The following TRIM10 variants were observed in gnomAD, a reference collection of about 807,000 sequenced individuals.
The protein encoded by TRIM10 is tripartite motif-containing protein 10.
TRIM10 carries 42 observed loss-of-function variants against 40.0 expected under a neutral mutation model. The ratio of observed to expected loss-of-function variants is 1.05; its 90% CI spans 0.82 to 1.36. TRIM10 has a LOEUF of 1.36. TRIM10 is among the 40% of genes most tolerant of loss of function. The pLI, the probability that TRIM10 is intolerant of heterozygous loss-of-function variation, is 0.00. For missense variants in TRIM10, 601 were observed against 608.3 expected (o/e 0.99, Z 0.13); for synonymous variants, 260 against 239.5 (o/e 1.09, Z -0.79).
chr6:30,153,358 C>G lies in TRIM10; in HGVS notation c.*611G>C, dbSNP rs1772190621. ...GCTGGGCTATGCCCCTTCCCCTGAA[C>G]TCCCATAATGCTGGGGTTGGACTTC... On this transcript the variant is annotated 3_prime_UTR_variant, in exon 7 of 7. Transcript: ENST00000449742. The G allele has an allele frequency of 3.6e-6, 1 of 280,660 alleles. No individual in the cohort carries two copies. Among genetic ancestry groups the G allele is most frequent in the Admixed American group, 4.7e-5 (1 of 21,298 alleles). 17.4% of individuals were successfully genotyped at this position (280,660 alleles called of 1,614,324 possible).
In TRIM10 at chr6:30,157,028, G is replaced by C. The variant is rs769652290; in HGVS notation, c.806C>G (p.Pro269Arg). The part of the protein sequence containing the change: ...IRCETRKCRK[P>R]VAVSPELGQR... The stretch of plus-strand genomic sequence containing the variant: ...GCCCAGCTCTGGCGACACAGCCACC[G>C]GTTTCCGGCACTTTCTGGTTTCACA... The change falls in exon 5 of 7, where the codon CCG (proline) becomes CGG (arginine). Residue 269 changes from proline (P) to arginine (R), a missense_variant. Transcript: ENST00000449742. 1.9e-6 allele frequency: 3 copies of C among 1,612,940 alleles called. No individual in the cohort carries two copies. The highest frequency in any genetic ancestry group is 1.7e-6 in the Non-Finnish European group (2 of 1,180,032).
chr6:30,157,414 A>G (rs887102367), intron 3 of TRIM10, 23 bp from the exon 4 acceptor site: 7 of 1,589,746 alleles, frequency 4.4e-6, no homozygotes, highest in Non-Finnish European at 6.0e-6. Flanking sequence ...GATACCAGAA[A>G]TTCAGTTTCC....
In TRIM10 at chr6:30,157,351, AG is replaced by A. The variant is rs749798948; in HGVS notation, c.779+17del. 42 of 1,589,828 alleles carry A rather than the reference AG, an allele frequency of 2.6e-5. No homozygotes were observed. The South Asian group carries it at 4.4e-4, about 17-fold the overall frequency. The stretch of plus-strand genomic sequence containing the variant: ...ATATTTATATGGAAAAAGAAAAGAG[AG>A]AAACTATATTGCTTACCTTATTAGA... On this transcript the variant is annotated intron_variant, in intron 4 of 6. Transcript: ENST00000449742.
At chr6:30,156,911 G>A (rs752213367) in intron 5 of TRIM10, 28 bp downstream of exon 5, 13 of 1,603,608 alleles carry the variant, frequency 8.1e-6, no homozygotes, top group East Asian at 2.2e-5. Flanking sequence ...GGCCACCTGC[G>A]CTCTGTGGAG....
At chr6:30,159,052 T>A in intron 2 of TRIM10, 98 bp downstream of exon 2, 1 of 783,254 alleles carries the variant, frequency 1.3e-6, no homozygotes, top group Non-Finnish European at 2.2e-6. Flanking sequence ...TTTAAACTCA[T>A]AATAACTTCA....
chr6:30,163,540 GCC>G, upstream of TRIM10: 1 of 879,950 alleles, frequency 1.1e-6, no homozygotes, highest in Non-Finnish European at 1.5e-6. Context: ...TGGCATTCTT[GCC>G]TCTCTCTCTC....
chr6:30,154,521 G>A (rs1443257492), intron 6 of TRIM10, 35 bp from the exon 7 acceptor site: 1 of 1,599,764 alleles, frequency 6.3e-7, no homozygotes, highest in Middle Eastern at 1.7e-4. Flanking sequence ...GATGTCAGCA[G>A]ACATGCTATT....
rs1341129269 is a variant in TRIM10, at chr6:30,152,212, G to A, written c.*1757C>T. The A allele has an allele frequency of 6.6e-6, 1 of 152,116 alleles. No homozygotes were observed. 9.4% of individuals were successfully genotyped at this position (152,116 alleles called of 1,614,324 possible). ...TGGATGAACTGGTTGCATGATCTTG[G>A]CTCGTTACCAAGATAAAGTGACACA... is the stretch of plus-strand genomic sequence containing the variant. On this transcript the variant is annotated 3_prime_UTR_variant, in exon 7 of 7. Transcript: ENST00000449742.
chr6:30,160,639 G>A lies in TRIM10; in HGVS notation c.220C>T (p.Gln74Ter), dbSNP rs1436063015. 1 of 1,614,126 alleles carries A rather than the reference G, an allele frequency of 6.2e-7. No homozygotes were observed. The highest frequency in any genetic ancestry group is 2.2e-5 in the East Asian group (1 of 44,900). Reference sequence around the variant, plus strand: ...ATGTTCTCCACCACGTTAGCCAGCTGCCAGTTGGGCCGGAAGCTCCCAGGA... The same window carrying A: ...ATGTTCTCCACCACGTTAGCCAGCTACCAGTTGGGCCGGAAGCTCCCAGGA... ...FRPGSFRPNW[Q>*]LANVVENIER... The change falls in exon 1 of 7, where the codon CAG becomes TAG. Residue 74 changes from glutamine to a stop codon, truncating the protein, a stop_gained. Transcript: ENST00000449742. LOFTEE classifies it high-confidence loss of function.
rs891593210 is a variant in TRIM10, at chr6:30,161,028, G to A, written c.-170C>T. The A allele has an allele frequency of 5.9e-5, 40 of 677,856 alleles. No individual in the cohort carries two copies. Among genetic ancestry groups the A allele is most frequent in the Non-Finnish European group, 8.3e-5 (34 of 409,756 alleles). 42.0% of individuals were successfully genotyped at this position (677,856 alleles called of 1,614,324 possible). A position where few individuals can be genotyped will look rare whatever the true frequency, so the allele number is the denominator to read the frequency against. Reference sequence around the variant, plus strand: ...CACACTTGCATCTCTGGCAGCCAGGGTTCTATTCTCCTGCCAACAGCAGAG... The same window carrying A: ...CACACTTGCATCTCTGGCAGCCAGGATTCTATTCTCCTGCCAACAGCAGAG... On this transcript the variant is annotated 5_prime_UTR_variant, in exon 1 of 7. Transcript: ENST00000449742.
At chr6:30,156,904 C>A (rs1228750858) in intron 5 of TRIM10, 35 bp downstream of exon 5, 32 of 1,595,494 alleles carry the variant, frequency 2.0e-5, no homozygotes, top group Non-Finnish European at 2.7e-5. Flanking sequence ...GCTTCATGGC[C>A]ACCTGCGCTC....
intron 2 of TRIM10, 128 bp downstream of exon 2, chr6:30,159,022 A>T (rs1246989734): frequency 9.2e-6 from 6 of 655,352 alleles, no homozygotes; most frequent in Non-Finnish European, 1.6e-5. Flanking sequence ...GAGGTCATAG[A>T]GTTAGTGTCA....
chr6:30,163,728 C>T, upstream of TRIM10: 1 of 1,612,824 alleles, frequency 6.2e-7, no homozygotes, highest in South Asian at 1.1e-5. Flanking sequence ...GAGCTGCCTG[C>T]CTGTACCCTC....
At chr6:30,162,303 G>GAGAAAA (rs888211306), upstream of TRIM10, among the ~76,000 whole-genome samples, 84 of 150,774 alleles carry the variant, frequency 5.6e-4, no homozygotes, top group African/African-American at 2.0e-3. Context: ...AAAGAAAAAA[G>GAGAAAA]AGAAAAAGAA....
rs759980262 is a variant in TRIM10 at position 30,157,404 on chromosome 6, G to C, written c.757-13C>G. The C allele has an allele frequency of 6.3e-7, 1 of 1,592,682 alleles. No homozygotes were observed. The highest frequency in any genetic ancestry group is 1.8e-5 in the Admixed American group (1 of 55,000). Reference sequence around the variant, plus strand: ...TGCTTCTGATGTCCTAGGAGAAAGAGATACCAGAAATTCAGTTTCCAGCTT... The same window carrying C: ...TGCTTCTGATGTCCTAGGAGAAAGACATACCAGAAATTCAGTTTCCAGCTT... On this transcript the variant is annotated splice_polypyrimidine_tract_variant and intron_variant, in intron 3 of 6. Coordinates refer to ENST00000449742, the MANE Select transcript of TRIM10 (RefSeq NM_006778.4).
At position 30,154,458 on chromosome 6, in the gene TRIM10, G is replaced by A. The variant is rs759748172; in HGVS notation, c.957C>T (p.Ser319=). ...PAHISLDPQT[S]HPKLLLSEDH... ...CCTCGGACAAGAGGAGCTTGGGGTGGGAAGTCTGAGGGTCTAGAGAAATGT... is the reference window on the plus strand; with the variant it reads ...CCTCGGACAAGAGGAGCTTGGGGTGAGAAGTCTGAGGGTCTAGAGAAATGT... Residue 319 remains serine, a synonymous_variant, in exon 7 of 7, where the codon TCC becomes TCT. Coordinates refer to ENST00000449742, the MANE Select transcript of TRIM10 (RefSeq NM_006778.4). 1.9e-6 allele frequency: 3 copies of A among 1,612,212 alleles called. No homozygotes were observed. Among genetic ancestry groups the A allele is most frequent in the East Asian group, 4.5e-5 (2 of 44,892 alleles).
Position 30,158,619 on chromosome 6 carries a change from G to C in TRIM10, c.536C>G (p.Ser179Cys). 1 of 1,612,932 alleles carries C rather than the reference G, an allele frequency of 6.2e-7. No homozygotes were observed. Among genetic ancestry groups the C allele is most frequent in the Non-Finnish European group, 8.5e-7 (1 of 1,179,940 alleles). Residue 179 changes from serine (S) to cysteine (C), a missense_variant, in exon 3 of 7, where the codon TCC becomes TGC. Coordinates refer to ENST00000449742, the MANE Select transcript of TRIM10 (RefSeq NM_006778.4). Reference sequence around the variant, plus strand: ...AGAAATCACCTGTTGTCTCTTGGTGGACACCTGAGTCTGAGGGGGCAGGAG... The same window carrying C: ...AGAAATCACCTGTTGTCTCTTGGTGCACACCTGAGTCTGAGGGGGCAGGAG... ...KRMQVLLTQV[S>C]TKRQQVISEF...
intron 1 of TRIM10, 84 bp downstream of exon 1, chr6:30,160,346 G>A (rs1342582156): frequency 1.6e-5 from 23 of 1,470,012 alleles, no homozygotes; most frequent in Admixed American, 1.1e-4. Flanking sequence ...TTTGGCCTCC[G>A]GGTGGCCTAA....
At position 30,158,426 on chromosome 6, in the gene TRIM10, A is replaced by G. The variant is rs1182425984; in HGVS notation, c.729T>C (p.Asn243=). The change falls in exon 3 of 7, where the codon AAT becomes AAC. Residue 243 remains asparagine, a synonymous_variant. Coordinates refer to ENST00000449742, the MANE Select transcript of TRIM10 (RefSeq NM_006778.4). ...SALIEELEEK[N]ERPARELLTD... ...TCAGGAGCTCCCTTGCTGGCCTCTC[A>G]TTCTTCTCCTCCAGTTCTTCAATAA... 16 of 1,612,904 alleles carry G rather than the reference A, an allele frequency of 9.9e-6. No homozygotes were observed. The highest frequency in any genetic ancestry group is 1.4e-5 in the Non-Finnish European group (16 of 1,180,036).
Sources: allele counts gnomAD v4.1 joint callset (sites outside exome capture counted in the v4.1 genomes callset), GRCh38; gene constraint gnomAD v4.1.1; transcripts MANE v1.5; gene names NCBI Gene and HGNC (gene_info 2026-07-23, HGNC 2026-07-21).